The following LRRFIP1 variants were observed in gnomAD, a reference collection of about 807,000 sequenced individuals.
The protein encoded by LRRFIP1 is leucine-rich repeat flightless-interacting protein 1.
A neutral mutation model predicts 104.4 loss-of-function variants in LRRFIP1; 62 were observed. The ratio of observed to expected loss-of-function variants is 0.59; its 90% CI spans 0.48 to 0.73. The LOEUF (loss-of-function observed/expected upper bound fraction) is 0.73, where lower values mean the gene tolerates loss of function less well. LRRFIP1 is among the 30% of genes least tolerant of loss of function. The pLI is 0.00. For missense variants in LRRFIP1, 796 were observed against 824.5 expected, an observed-to-expected ratio of 0.97 and a Z score of 0.42; for synonymous variants, 300 against 299.0, an observed-to-expected ratio of 1.00 and a Z score of -0.03.
intron 19 of LRRFIP1, chr2:237,763,033 G>C (rs373166774): frequency 4.3e-6 from 7 of 1,614,192 alleles, no homozygotes; most frequent in Non-Finnish European, 5.9e-6. Context: ...CAGTGGCCTC[G>C]TGTCCTTTAG....
chr2:237,749,110 G>A (rs535729968), intron 12 of LRRFIP1, 89 bp from the exon 13 acceptor site: 10 of 1,395,928 alleles, frequency 7.2e-6, no homozygotes, highest in Non-Finnish European at 9.8e-6. Context: ...CTCATCTTGT[G>A]GGGATTATGG....
intron 2 of LRRFIP1, among the ~76,000 whole-genome samples, chr2:237,709,286 T>C (rs2093961651): frequency 6.6e-6 from 1 of 152,218 alleles, no homozygotes; most frequent in Non-Finnish European, 1.5e-5. Flanking sequence ...ATGGTGTGAC[T>C]TTTTCTGTGA....
chr2:237,762,893 A>G lies in LRRFIP1; in HGVS notation c.1459+2688A>G, dbSNP rs61744755. On this transcript the variant is annotated intron_variant, in intron 19 of 23. Transcript: ENST00000308482. ...AGTACAGGTTGAGTCAAATGAGGTC[A>G]TGGGTGCACCAGATGACAGGACCAG... 11,581 of 1,614,142 alleles carry G rather than the reference A, an allele frequency of 7.2e-3. 631 individuals carry two copies. In the African/African-American group the frequency reaches 0.13, roughly 18 times the overall value.
intron 1 of LRRFIP1, among the ~76,000 whole-genome samples, chr2:237,650,051 C>G (rs983586250): frequency 3.3e-5 from 5 of 151,912 alleles, no homozygotes; most frequent in Admixed American, 6.6e-5. Flanking sequence ...GCTCTGTGAC[C>G]CTGAAGATAA....
At chr2:237,666,724 T>TTTTG (rs1298596806) in intron 1 of LRRFIP1, among the ~76,000 whole-genome samples, 2 of 116,960 alleles carry the variant, frequency 1.7e-5, no homozygotes, top group East Asian at 2.8e-4. Flanking sequence ...GTGCGCTTTC[T>TTTTG]TTCTTTTGTT....
At chr2:237,635,615 A>G (rs1274375996) in intron 1 of LRRFIP1, among the ~76,000 whole-genome samples, 1 of 152,232 alleles carries the variant, frequency 6.6e-6, no homozygotes, top group Non-Finnish European at 1.5e-5. Context: ...TAGGACCAAG[A>G]GTTCAAGTCC....
Position 237,649,136 on chromosome 2 carries a change from G to C in LRRFIP1, c.96+21396G>C, listed in dbSNP as rs62183618. Among the ~76,000 whole-genome samples, 20,403 of 151,696 alleles carry C rather than the reference G, an allele frequency of 0.13. 1,996 individuals are homozygous for C. Among genetic ancestry groups the C allele is most frequent in the Non-Finnish European group, 0.2 (13,615 of 67,778 alleles). ...GTGCTGGGCCATGGTTTGGAAGCTC[G>C]CATGGTCCCAGCCTCAGAGCCCCGT... On this transcript the variant is annotated intron_variant, in intron 1 of 23. Coordinates refer to ENST00000308482, the MANE Select transcript of LRRFIP1 (RefSeq NM_001137550.2). The surrounding 1 kb of genome is among the most constrained non-coding windows in gnomAD (Gnocchi z 4.1).
At chr2:237,699,229 G>A (rs975863218) in intron 1 of LRRFIP1, among the ~76,000 whole-genome samples, 4 of 152,002 alleles carry the variant, frequency 2.6e-5, no homozygotes, top group Admixed American at 1.3e-4. Context: ...TTTCCATGTC[G>A]ATTGCATTCC....
chr2:237,662,292 C>T (rs1288890549), intron 1 of LRRFIP1, among the ~76,000 whole-genome samples: 2 of 152,144 alleles, frequency 1.3e-5, no homozygotes, highest in East Asian at 1.9e-4. Context: ...TAATCTAGTA[C>T]GACCTCATCT....
intron 1 of LRRFIP1, among the ~76,000 whole-genome samples, chr2:237,665,889 T>C (rs750503099): frequency 1.4e-4 from 21 of 152,232 alleles, no homozygotes; most frequent in Middle Eastern, 3.2e-3. Context: ...TGAAGGTCTT[T>C]GAATAGTAAA....
chr2:237,767,446 G>T (rs56124225), intron 19 of LRRFIP1, among the ~76,000 whole-genome samples: 1 of 152,102 alleles, frequency 6.6e-6, no homozygotes, highest in Non-Finnish European at 1.5e-5. Context: ...CATAGCTCCC[G>T]TATATAAATG....
At chr2:237,689,757 C>G (rs2092641538) in intron 1 of LRRFIP1, among the ~76,000 whole-genome samples, 1 of 152,170 alleles carries the variant, frequency 6.6e-6, no homozygotes, top group South Asian at 2.1e-4. Flanking sequence ...AGGGCACCTA[C>G]CAAGGGGACT....
At position 237,760,114 on chromosome 2, in the gene LRRFIP1, C is replaced by T. The variant is rs529994403; in HGVS notation, c.1368C>T (p.Ser456=). The change falls in exon 19 of 24, where the codon TCC becomes TCT. Residue 456 remains serine (S), a synonymous_variant. Transcript: ENST00000308482. ...NSEIATNGET[S]DTLNNVGYQG... is the part of the protein sequence containing the mutation. ...AAATAGCTACCAATGGAGAGACTTC[C>T]GACACCCTCAATAATGTTGGATACC... is the stretch of plus-strand genomic sequence containing the variant. The T allele has an allele frequency of 1.6e-5, 26 of 1,613,766 alleles. No homozygotes were observed. The Middle Eastern group carries it at 5.0e-4, about 31-fold the overall frequency.
In LRRFIP1 at chr2:237,780,687, A is replaced by G; in HGVS notation, c.*1155A>G. 6.6e-6 allele frequency among the ~76,000 whole-genome samples: 1 copy of G among 152,228 alleles called. No homozygotes were observed. The highest frequency in any genetic ancestry group is 1.9e-4 in the East Asian group (1 of 5,200). On this transcript the variant is annotated 3_prime_UTR_variant, in exon 24 of 24. Transcript: ENST00000308482. ...ATCCAAAACCATATCTAGTCTTAAC[A>G]CATGGAGAATGCTGGAGTGAGGGTT...
intron 1 of LRRFIP1, among the ~76,000 whole-genome samples, chr2:237,667,412 T>C (rs1434002526): frequency 6.6e-6 from 1 of 152,238 alleles, no homozygotes; most frequent in Admixed American, 6.5e-5. Context: ...TTGCATAGTA[T>C]TCCATGGTGT....
chr2:237,708,301 T>C (rs2093912725), intron 1 of LRRFIP1, among the ~76,000 whole-genome samples: 1 of 152,256 alleles, frequency 6.6e-6, no homozygotes, highest in African/African-American at 2.4e-5. Flanking sequence ...ATACATGGCA[T>C]CATATCCATA....
intron 1 of LRRFIP1, among the ~76,000 whole-genome samples, chr2:237,699,317 C>G (rs943975073): frequency 6.6e-6 from 1 of 150,990 alleles, no homozygotes; most frequent in African/African-American, 2.4e-5. Context: ...TTTGTAAATC[C>G]AAAAATTAAA....
At chr2:237,774,571 T>C (rs998276661) in intron 23 of LRRFIP1, 109 bp downstream of exon 23, 6 of 729,858 alleles carry the variant, frequency 8.2e-6, no homozygotes, top group East Asian at 2.7e-5. Flanking sequence ...GGCTGGTCAT[T>C]GTCAGATCAT....
intron 11 of LRRFIP1, among the ~76,000 whole-genome samples, chr2:237,742,345 A>T (rs1300079692): frequency 1.3e-5 from 2 of 152,190 alleles, no homozygotes; most frequent in Non-Finnish European, 2.9e-5. Flanking sequence ...TCAGTCCCGC[A>T]GTGAGGGACA....
Sources: gnomAD v4.1 joint callset for allele counts (sites outside exome capture counted in the v4.1 genomes callset) on GRCh38, gnomAD v4.1.1 for gene constraint, Gnocchi (gnomAD v3.1) non-coding constraint, MANE v1.5 for transcripts, NCBI Gene and HGNC (gene_info 2026-07-23, HGNC 2026-07-21) for gene names.